The following ANO6 variants were observed in gnomAD, a reference collection of about 807,000 sequenced individuals.
ANO6 encodes the protein anoctamin-6.
ANO6 carries 106 observed loss-of-function variants against 117.5 expected under a neutral mutation model. That is an observed-to-expected ratio of 0.90 (90% CI 0.77 to 1.06). The LOEUF is 1.06. ANO6 is among the 50% of genes least tolerant of loss of function. The pLI, the probability that ANO6 is intolerant of heterozygous loss-of-function variation, is 0.00. For synonymous variants in ANO6, 367 were observed against 385.1 expected (o/e 0.95, Z 0.55); for missense variants, 955 against 1,121.1 (o/e 0.85, Z 2.12).
At chr12:45,397,410 T>C (rs953126732) in intron 12 of ANO6, among the ~76,000 whole-genome samples, 6 of 152,168 alleles carry the variant, frequency 3.9e-5, no homozygotes, top group African/African-American at 1.4e-4. Flanking sequence ...GTTCAACCAT[T>C]GTGGAAGACT....
At chr12:45,266,042 A>C (rs1009025896) in intron 1 of ANO6, among the ~76,000 whole-genome samples, 3 of 152,194 alleles carry the variant, frequency 2.0e-5, no homozygotes, top group African/African-American at 7.2e-5. Context: ...CTTAGACCCT[A>C]TATCCTTGGT....
chr12:45,220,822 C>T (rs752801469), intron 1 of ANO6, among the ~76,000 whole-genome samples: 1 of 152,140 alleles, frequency 6.6e-6, no homozygotes, highest in Non-Finnish European at 1.5e-5. Flanking sequence ...ACTTCCAGCC[C>T]CATCTACCAA....
intron 17 of ANO6, among the ~76,000 whole-genome samples, chr12:45,420,377 TG>T (rs372403697): frequency 2.3e-4 from 35 of 151,706 alleles, no homozygotes; most frequent in East Asian, 2.1e-3. Flanking sequence ...TCCCAGCACT[TG>T]GAGAGGCTGA....
chr12:45,344,313 A>G (rs1217197558), intron 3 of ANO6, among the ~76,000 whole-genome samples: 1 of 152,212 alleles, frequency 6.6e-6, no homozygotes, highest in African/African-American at 2.4e-5. Flanking sequence ...ATATTCTTTC[A>G]ACAAATATGT....
chr12:45,265,027 C>A (rs150510535), intron 1 of ANO6, among the ~76,000 whole-genome samples: 1 of 152,274 alleles, frequency 6.6e-6, no homozygotes, highest in East Asian at 1.9e-4. Flanking sequence ...GTGAAAGGAG[C>A]AATTCCTCAT....
At position 45,226,854 on chromosome 12, in the gene ANO6, TTTA is replaced by T. The variant is rs550040684; in HGVS notation, c.70+10468_70+10470del. Among the ~76,000 whole-genome samples the T allele has an allele frequency of 3.3e-3, 495 of 151,838 alleles. 3 individuals are homozygous for T. The highest frequency in any genetic ancestry group is 0.011 in the African/African-American group (442 of 41,528). On this transcript the variant is annotated intron_variant, in intron 1 of 19. Coordinates refer to ENST00000320560, the MANE Select transcript of ANO6 (RefSeq NM_001025356.3). Reference sequence around the variant, plus strand: ...AGATCCTTAACATTATTTAAAAATTTTTATTATAATTTATATTATGATTTGAAA... The same window carrying T: ...AGATCCTTAACATTATTTAAAAATTTTTATAATTTATATTATGATTTGAAA...
chr12:45,276,986 T>C (rs1336554602), intron 1 of ANO6, among the ~76,000 whole-genome samples: 1 of 152,216 alleles, frequency 6.6e-6, no homozygotes, highest in Non-Finnish European at 1.5e-5. Flanking sequence ...GAGGCCAGGA[T>C]TTTTAACTGT....
intron 16 of ANO6, among the ~76,000 whole-genome samples, chr12:45,411,833 G>A (rs1273454774): frequency 3.3e-5 from 5 of 152,150 alleles, no homozygotes; most frequent in Non-Finnish European, 5.9e-5. Flanking sequence ...GCTGCCTGCC[G>A]TGGTGGTATA....
chr12:45,216,994 A>T (rs3759082), intron 1 of ANO6, among the ~76,000 whole-genome samples: 17,887 of 152,188 alleles, frequency 0.12, 1,515 homozygotes, highest in East Asian at 0.3. Flanking sequence ...CCAGGCAGGG[A>T]GGACCGCAGG....
At chr12:45,267,567 A>G (rs1295909619) in intron 1 of ANO6, among the ~76,000 whole-genome samples, 2 of 152,174 alleles carry the variant, frequency 1.3e-5, no homozygotes, top group Non-Finnish European at 2.9e-5. Flanking sequence ...AGGCGGGTGG[A>G]TCACTTGAGG....
intron 1 of ANO6, among the ~76,000 whole-genome samples, chr12:45,283,474 G>T (rs1477437209): frequency 6.6e-6 from 1 of 152,200 alleles, no homozygotes; most frequent in Admixed American, 6.5e-5. Context: ...CTCAGTTACT[G>T]CTGTATTTCC....
intron 1 of ANO6, among the ~76,000 whole-genome samples, chr12:45,261,953 A>T: frequency 6.6e-6 from 1 of 152,244 alleles, no homozygotes; most frequent in East Asian, 1.9e-4. Context: ...AGCACAAATG[A>T]TATGCAGTAT....
At chr12:45,378,804 T>C (rs1942096758) in intron 10 of ANO6, among the ~76,000 whole-genome samples, 1 of 152,058 alleles carries the variant, frequency 6.6e-6, no homozygotes, top group Admixed American at 6.6e-5. Context: ...ACACAGTGAT[T>C]ATGGGTGAGC....
intron 8 of ANO6, among the ~76,000 whole-genome samples, chr12:45,363,813 C>T (rs1056527400): frequency 2.0e-5 from 3 of 152,196 alleles, no homozygotes; most frequent in Non-Finnish European, 2.9e-5. Context: ...ACTTGACTCT[C>T]ATTCTTTCTT....
At chr12:45,399,493 C>A (rs901027754) in intron 12 of ANO6, among the ~76,000 whole-genome samples, 4 of 152,076 alleles carry the variant, frequency 2.6e-5, no homozygotes, top group Admixed American at 6.5e-5. Flanking sequence ...CGCGCCTGGC[C>A]GAGGTCTTTT....
intron 4 of ANO6, chr12:45,347,338 T>C (rs1439005654): frequency 1.3e-5 from 6 of 444,784 alleles, no homozygotes; most frequent in Non-Finnish European, 2.0e-5. Flanking sequence ...TTTCTTTCTT[T>C]AAGAAACTTC....
At chr12:45,297,581 T>G (rs1939336362) in intron 1 of ANO6, among the ~76,000 whole-genome samples, 1 of 152,194 alleles carries the variant, frequency 6.6e-6, no homozygotes, top group Non-Finnish European at 1.5e-5. Flanking sequence ...AGGCTTCCAG[T>G]GTTGCATTAT....
chr12:45,439,814 T>C (rs1040016756), exon 20 of ANO6: 1 of 1,549,420 alleles, frequency 6.5e-7, no homozygotes, highest in African/African-American at 1.4e-5. Flanking sequence ...TCTGACTTTA[T>C]TGACTCCCTC....
chr12:45,424,220 ACCATCC>A (rs1181056664), intron 19 of ANO6, among the ~76,000 whole-genome samples: 1 of 150,868 alleles, frequency 6.6e-6, no homozygotes, highest in Non-Finnish European at 1.5e-5. Flanking sequence ...TATGCAGTGG[ACCATCC>A]CCACTGCAAA....
Sources: allele counts gnomAD v4.1 joint callset (sites outside exome capture counted in the v4.1 genomes callset), GRCh38; gene constraint gnomAD v4.1.1; transcripts MANE v1.5; gene names NCBI Gene and HGNC (gene_info 2026-07-23, HGNC 2026-07-21).